The following PRR5L variants were observed in gnomAD, a reference collection of about 807,000 sequenced individuals.
PRR5L encodes proline-rich protein 5-like.
Under a neutral mutation model 36.4 loss-of-function variants are expected in PRR5L, and 21 were observed. The observed-to-expected ratio is 0.58, with a 90% CI of 0.41 to 0.83. The LOEUF (loss-of-function observed/expected upper bound fraction) is 0.83. PRR5L is among the 40% of genes least tolerant of loss of function. PRR5L has a pLI of 0.00. For synonymous variants in PRR5L, 188 were observed against 197.0 expected (o/e 0.95, Z 0.38); for missense variants, 381 against 473.3 (o/e 0.80, Z 1.81).
chr11:36,380,003 G>A (rs760158424), intron 1 of PRR5L, among the ~76,000 whole-genome samples: 1 of 152,120 alleles, frequency 6.6e-6, no homozygotes, highest in Non-Finnish European at 1.5e-5. Context: ...GAACTCAAGC[G>A]TCTTGCTCTT....
intron 1 of PRR5L, among the ~76,000 whole-genome samples, chr11:36,356,877 A>G (rs1393661965): frequency 1.3e-5 from 2 of 152,158 alleles, no homozygotes; most frequent in Non-Finnish European, 2.9e-5. Context: ...AATGACCTCT[A>G]AGTGTTCAAG....
At chr11:36,459,531 G>A (rs76328672) in intron 8 of PRR5L, among the ~76,000 whole-genome samples, 6 of 152,162 alleles carry the variant, frequency 3.9e-5, no homozygotes, top group Non-Finnish European at 7.3e-5. Flanking sequence ...GTTTTTGGAG[G>A]CTGCCATCTG....
rs1856965462 is a variant in PRR5L, at chr11:36,351,611, T to TTATATATTTATATATTTATAAA, written c.-125-49366_-125-49365insAATATATATTTATATATTTATA. ...TTTATATATTTATATAAATATATATTTATATATTTATATATTTATATAAAT... is the reference window on the plus strand; with the variant it reads ...TTTATATATTTATATAAATATATATTTATATATTTATATATTTATAAATATATATTTATATATTTATATAAAT... On this transcript the variant is annotated intron_variant, in intron 1 of 8. Coordinates refer to ENST00000530639, the MANE Select transcript of PRR5L (RefSeq NM_001160167.2). Among the ~76,000 whole-genome samples the TTATATATTTATATATTTATAAA allele has an allele frequency of 1.2e-4, 2 of 17,316 alleles. 1 individual carries two copies. Among genetic ancestry groups the TTATATATTTATATATTTATAAA allele is most frequent in the Non-Finnish European group, 1.6e-4 (2 of 12,814 alleles). 11.4% of individuals were successfully genotyped at this position (17,316 alleles called of 152,430 possible).
At chr11:36,340,749 C>A (rs920505127) in intron 1 of PRR5L, among the ~76,000 whole-genome samples, 1 of 152,134 alleles carries the variant, frequency 6.6e-6, no homozygotes, top group Non-Finnish European at 1.5e-5. Context: ...GAAGCTGACA[C>A]ATCAAAACTA....
In PRR5L at chr11:36,462,776, C is replaced by G; in HGVS notation, c.*40C>G. The G allele has an allele frequency of 1.3e-6, 2 of 1,505,208 alleles. No individual in the cohort carries two copies. Among genetic ancestry groups the G allele is most frequent in the Non-Finnish European group, 1.8e-6 (2 of 1,127,232 alleles). 93.2% of individuals were successfully genotyped at this position (1,505,208 alleles called of 1,614,324 possible). A position where few individuals can be genotyped will look rare whatever the true frequency, so the allele number is the denominator to read the frequency against. ...GCCTTTCCATCTCCTGTTTTGCAAC[C>G]AGGATGAGGACCCCTCCATCTCCGT... On this transcript the variant is annotated 3_prime_UTR_variant, in exon 9 of 9. Coordinates refer to ENST00000530639, the MANE Select transcript of PRR5L (RefSeq NM_001160167.2).
At chr11:36,305,730 C>G (rs1289549128) in intron 1 of PRR5L, among the ~76,000 whole-genome samples, 2 of 152,170 alleles carry the variant, frequency 1.3e-5, no homozygotes, top group East Asian at 3.8e-4. Flanking sequence ...AAGGCACCGT[C>G]TATAAACCAG....
chr11:36,351,246 AT>A (rs1407230578), intron 1 of PRR5L, among the ~76,000 whole-genome samples: 3 of 74,576 alleles, frequency 4.0e-5, no homozygotes, highest in Non-Finnish European at 6.7e-5. Context: ...ATTTATATAT[AT>A]TTTTATATAT....
chr11:36,402,202 A>C (rs905486473), intron 2 of PRR5L, among the ~76,000 whole-genome samples: 1 of 152,188 alleles, frequency 6.6e-6, no homozygotes, highest in African/African-American at 2.4e-5. Flanking sequence ...CATTATTTTG[A>C]AGCATGACTG....
intron 1 of PRR5L, among the ~76,000 whole-genome samples, chr11:36,351,264 T>TTATATATTTA (rs1565407169): frequency 1.4e-4 from 2 of 14,132 alleles, no homozygotes; most frequent in South Asian, 4.7e-3. Context: ...ATATGTATAT[T>TTATATATTTA]TATATATTTA....
intron 6 of PRR5L, among the ~76,000 whole-genome samples, chr11:36,440,747 C>A (rs1344683825): frequency 6.6e-6 from 1 of 152,090 alleles, no homozygotes; most frequent in Non-Finnish European, 1.5e-5. Flanking sequence ...GTAGGCTGAA[C>A]AAGAAGTGTA....
At chr11:36,332,135 A>G (rs971514299) in intron 1 of PRR5L, among the ~76,000 whole-genome samples, 1 of 152,162 alleles carries the variant, frequency 6.6e-6, no homozygotes, top group Non-Finnish European at 1.5e-5. Flanking sequence ...CTGGATTTGA[A>G]GTTAAAAGGA....
chr11:36,391,249 A>C (rs1451027342), intron 1 of PRR5L, among the ~76,000 whole-genome samples: 1 of 152,098 alleles, frequency 6.6e-6, no homozygotes, highest in African/African-American at 2.4e-5. Flanking sequence ...CCCTTTTCAG[A>C]GTCAAAGGTT....
chr11:36,419,232 T>C, intron 3 of PRR5L, 23 bp from the exon 4 acceptor site: 1 of 1,612,984 alleles, frequency 6.2e-7, no homozygotes, highest in Non-Finnish European at 8.5e-7. Context: ...CTTGACGGTG[T>C]TTCTCTTCTC....
chr11:36,459,690 A>G lies in PRR5L; in HGVS notation c.713-2652A>G, dbSNP rs192524844. Among the ~76,000 whole-genome samples the G allele has an allele frequency of 1.0e-3, 157 of 152,328 alleles. 2 individuals carry two copies. In the South Asian group the frequency reaches 0.017, roughly 17 times the overall value. The stretch of plus-strand genomic sequence containing the variant: ...GAGGATTTAATTATTCACAGATACA[A>G]GATGCTCAGATCAGCACCGAACATT... On this transcript the variant is annotated intron_variant, in intron 8 of 8. Transcript: ENST00000530639.
intron 1 of PRR5L, among the ~76,000 whole-genome samples, chr11:36,346,036 C>T (rs183173103): frequency 1.8e-4 from 28 of 152,280 alleles, no homozygotes; most frequent in African/African-American, 5.8e-4. Context: ...CTTCATTATA[C>T]TCAGTTTCTT....
intron 4 of PRR5L, among the ~76,000 whole-genome samples, chr11:36,422,540 C>T (rs1001281611): frequency 6.6e-6 from 1 of 152,208 alleles, no homozygotes; most frequent in Non-Finnish European, 1.5e-5. Context: ...ACCCTGACCC[C>T]CAACTCTGAG....
intron 1 of PRR5L, among the ~76,000 whole-genome samples, chr11:36,332,238 T>G (rs1856726488): frequency 2.0e-5 from 3 of 152,124 alleles, no homozygotes; most frequent in Admixed American, 1.3e-4. Flanking sequence ...GCCAACACCA[T>G]CATTTGTACA....
At chr11:36,351,224 A>G (rs1590469801) in intron 1 of PRR5L, among the ~76,000 whole-genome samples, 44 of 83,682 alleles carry the variant, frequency 5.3e-4, no homozygotes, top group African/African-American at 9.5e-4. Context: ...ATAAATATAT[A>G]TATTTATATA....
intron 3 of PRR5L, among the ~76,000 whole-genome samples, chr11:36,409,717 C>G (rs1235145703): frequency 6.6e-6 from 1 of 152,190 alleles, no homozygotes; most frequent in Non-Finnish European, 1.5e-5. Flanking sequence ...ACTTGCTTAG[C>G]CTTTTAGTAT....
Sources: allele counts gnomAD v4.1 joint callset (sites outside exome capture counted in the v4.1 genomes callset), GRCh38; gene constraint gnomAD v4.1.1; transcripts MANE v1.5; gene names NCBI Gene and HGNC (gene_info 2026-07-23, HGNC 2026-07-21).